INPP5B: variants seen among roughly 807,000 people sequenced by gnomAD.
INPP5B encodes the protein inositol polyphosphate-5-phosphatase B.
Under a neutral mutation model 118.5 loss-of-function variants are expected in INPP5B, and 90 were observed. The observed-to-expected ratio is 0.76, with a 90% CI of 0.64 to 0.90. The LOEUF (loss-of-function observed/expected upper bound fraction) is 0.90, where lower values mean the gene tolerates loss of function less well. Among genes scored for constraint, INPP5B ranks in the 40% least tolerant of loss-of-function variants. The probability of loss-of-function intolerance (pLI) is 0.00; values close to 1 mark genes in which losing one functional copy is unlikely to be tolerated. For synonymous variants in INPP5B, 385 were observed against 418.9 expected (o/e 0.92, Z 0.99); for missense variants, 984 against 1,125.6 (o/e 0.87, Z 1.80).
chr1:37,871,844 C>T (rs942555968), intron 19 of INPP5B, among the ~76,000 whole-genome samples: 13 of 150,948 alleles, frequency 8.6e-5, no homozygotes, highest in African/African-American at 2.9e-4. Context: ...TTGCAGTGAG[C>T]CAAGATGTGC....
rs182311014 is a variant in INPP5B at position 37,904,536 on chromosome 1, T to G, written c.533-13082A>C. ...TGTAAATTAAATATTAGAATAAAAG[T>G]ACAGTAAGTTTTTCTTAGAGCACTA... On this transcript the variant is annotated intron_variant, in intron 7 of 23. Transcript: ENST00000373024. Among the ~76,000 whole-genome samples the G allele has an allele frequency of 3.3e-5, 5 of 152,212 alleles. No individual in the cohort carries two copies. In the East Asian group the frequency reaches 9.7e-4, roughly 29 times the overall value.
chr1:37,901,359 G>C (rs1320258836), intron 7 of INPP5B, among the ~76,000 whole-genome samples: 1 of 152,094 alleles, frequency 6.6e-6, no homozygotes, highest in Non-Finnish European at 1.5e-5. Context: ...ATAAAGTGGG[G>C]ATTTTAAATA....
rs551369424 is a variant in INPP5B, at chr1:37,891,699, G to A, written c.533-245C>T. Among the ~76,000 whole-genome samples the A allele has an allele frequency of 8.5e-4, 129 of 151,910 alleles. 1 individual carries two copies. The highest frequency in any genetic ancestry group is 3.0e-3 in the African/African-American group (126 of 41,416). ...TGAGGCAGGAGAATCGCTTGAACCC[G>A]GGAGGCGGAGGTTGCAGTGAGCCAA... is the stretch of plus-strand genomic sequence containing the variant. On this transcript the variant is annotated intron_variant, in intron 7 of 23. Coordinates refer to ENST00000373024, the MANE Select transcript of INPP5B (RefSeq NM_005540.3).
At chr1:37,903,588 A>T (rs1383833989) in intron 7 of INPP5B, among the ~76,000 whole-genome samples, 1 of 152,168 alleles carries the variant, frequency 6.6e-6, no homozygotes, top group African/African-American at 2.4e-5. Context: ...CTAGCCGGGC[A>T]TGGTGGCGGG....
At chr1:37,924,606 G>A (rs1333913337) in intron 7 of INPP5B, among the ~76,000 whole-genome samples, 1 of 151,668 alleles carries the variant, frequency 6.6e-6, no homozygotes, top group Admixed American at 6.6e-5. Context: ...TGAGACACAC[G>A]TTTAATATCG....
At chr1:37,891,491 T>G (rs1268092522) in intron 7 of INPP5B, 37 bp from the exon 8 acceptor site, 1 of 1,429,852 alleles carries the variant, frequency 7.0e-7, no homozygotes, top group Non-Finnish European at 9.9e-7. Flanking sequence ...TATACATACA[T>G]AGGCTGGACA....
At chr1:37,890,099 G>C (rs564559793) in intron 8 of INPP5B, among the ~76,000 whole-genome samples, 1 of 152,178 alleles carries the variant, frequency 6.6e-6, no homozygotes, top group Non-Finnish European at 1.5e-5. Flanking sequence ...GACAAGCCGG[G>C]CATGGTGACT....
chr1:37,871,451 C>T (rs1007042217), intron 19 of INPP5B, among the ~76,000 whole-genome samples: 2 of 151,300 alleles, frequency 1.3e-5, no homozygotes, highest in African/African-American at 4.9e-5. Context: ...GAGTGAGACG[C>T]CGACTCACAA....
intron 6 of INPP5B, among the ~76,000 whole-genome samples, chr1:37,934,330 G>A (rs2148671257): frequency 6.6e-6 from 1 of 152,136 alleles, no homozygotes; most frequent in Non-Finnish European, 1.5e-5. Flanking sequence ...TCTTAGTATT[G>A]TTCAGAAGAC....
At chr1:37,946,131 T>C (rs757432024) in intron 2 of INPP5B, 121 bp downstream of exon 2, 20 of 949,110 alleles carry the variant, frequency 2.1e-5, no homozygotes, top group Non-Finnish European at 2.9e-5. Context: ...TAGTAAATAC[T>C]GATTTCCTTC....
In INPP5B at chr1:37,946,340, G is replaced by C. The variant is rs1318710038; in HGVS notation, c.-26-6C>G. 2.5e-6 allele frequency: 4 copies of C among 1,602,872 alleles called. No individual in the cohort carries two copies. Among genetic ancestry groups the C allele is most frequent in the Middle Eastern group, 1.7e-4 (1 of 6,050 alleles). ...CCCTGCTGAGCGCACACACCCTGTG[G>C]GAGGGGAGATAGGAGCCCCGCTTTG... On this transcript the variant is annotated splice_region_variant and splice_polypyrimidine_tract_variant and intron_variant, in intron 1 of 23. Transcript: ENST00000373024.
chr1:37,895,633 T>C (rs1570152530), intron 7 of INPP5B, among the ~76,000 whole-genome samples: 3 of 151,854 alleles, frequency 2.0e-5, no homozygotes, highest in South Asian at 4.2e-4. Flanking sequence ...CTGCCTCAGC[T>C]TGCCGAGTGC....
intron 22 of INPP5B, 49 bp from the exon 23 acceptor site, chr1:37,864,472 T>C (rs1311749157): frequency 9.1e-7 from 1 of 1,100,268 alleles, no homozygotes; most frequent in Admixed American, 1.8e-5. Context: ...GAATCATTTC[T>C]CAAGTGCCTA....
At chr1:37,931,672 C>T (rs1405904429) in intron 7 of INPP5B, 1 of 1,524,000 alleles carries the variant, frequency 6.6e-7, no homozygotes, top group South Asian at 1.2e-5. Flanking sequence ...GCCCGCCGAA[C>T]CTGCAGTGTT....
chr1:37,871,368 G>T (rs1642422604), intron 19 of INPP5B, among the ~76,000 whole-genome samples: 1 of 150,264 alleles, frequency 6.7e-6, no homozygotes, highest in South Asian at 2.1e-4. Context: ...TGAGGCAGGA[G>T]AATCGTTTGA....
At position 37,882,808 on chromosome 1, in the gene INPP5B, T is replaced by C. The variant is rs760022941; in HGVS notation, c.1430A>G (p.Gln477Arg). 3.7e-5 allele frequency: 60 copies of C among 1,609,844 alleles called. No homozygotes were observed. Among genetic ancestry groups the C allele is most frequent in the Non-Finnish European group, 4.9e-5 (58 of 1,176,214 alleles). ...KDFQMLYAYD[Q>R]LKIQVAAKTV... The stretch of plus-strand genomic sequence containing the variant: ...GAGGGCACAGGTGGCCATCTGTACC[T>C]GATCATATGCATACAGCATTTGAAA... Residue 477 changes from glutamine (Q) to arginine (R), a missense_variant and splice_region_variant, in exon 14 of 24, where the codon CAG becomes CGG. Physicochemically the swap from Gln to Arg is conservative, Grantham distance 43 (BLOSUM62 1). Around this residue, in one of 2 missense-constraint regions of INPP5B, gnomAD observed 634 missense variants for 791.0 expected, o/e 0.80. Transcript: ENST00000373024.
rs537569054 is a variant in INPP5B, at chr1:37,917,148, G to A, written c.532+14765C>T. Among the ~76,000 whole-genome samples the A allele has an allele frequency of 2.7e-5, 4 of 149,716 alleles. No homozygotes were observed. In the South Asian group the frequency reaches 8.6e-4, roughly 32 times the overall value. ...TACTAAAAATATAAAAATTAGCTGG[G>A]CATGGTGGTGGGCGCCGATAATCCC... On this transcript the variant is annotated intron_variant, in intron 7 of 23. Transcript: ENST00000373024.
At chr1:37,878,886 G>A (rs750061600) in intron 15 of INPP5B, among the ~76,000 whole-genome samples, 2 of 151,220 alleles carry the variant, frequency 1.3e-5, no homozygotes, top group Non-Finnish European at 3.0e-5. Context: ...CTGAGCTCAG[G>A]CAATCTGCCC....
chr1:37,908,463 C>T (rs752702649), intron 7 of INPP5B, among the ~76,000 whole-genome samples: 12 of 152,022 alleles, frequency 7.9e-5, no homozygotes, highest in African/African-American at 1.4e-4. Flanking sequence ...CGGCCAGGTG[C>T]GGTGGCTCAC....
Sources: allele counts gnomAD v4.1 joint callset (sites outside exome capture counted in the v4.1 genomes callset), GRCh38; gene constraint gnomAD v4.1.1; regional missense constraint gnomAD v4.1.1; transcripts MANE v1.5; gene names NCBI Gene and HGNC (gene_info 2026-07-23, HGNC 2026-07-21).